Variants in SLC1A2 observed in about 807,000 individuals in gnomAD.
SLC1A2 encodes the protein solute carrier family 1 member 2, also known as excitatory amino acid transporter 2.
Under a neutral mutation model 48.8 loss-of-function variants are expected in SLC1A2, and 15 were observed. The ratio of observed to expected loss-of-function variants is 0.31; its 90% CI spans 0.21 to 0.47. The LOEUF (loss-of-function observed/expected upper bound fraction) is 0.47. Among genes scored for constraint, SLC1A2 ranks in the 20% least tolerant of loss-of-function variants. The pLI, the probability that SLC1A2 is intolerant of heterozygous loss-of-function variation, is 0.99. For missense variants in SLC1A2, 502 were observed against 730.5 expected (o/e 0.69, Z 3.61); for synonymous variants, 279 against 272.6 (o/e 1.02, Z -0.23).
At chr11:35,317,119 T>C (rs2134900936) in intron 2 of SLC1A2, 4 of 449,092 alleles carry the variant, frequency 8.9e-6, no homozygotes, top group Non-Finnish European at 1.6e-5. Context: ...TCCATAAGTA[T>C]AGGAATCCAC....
At chr11:35,260,988 T>A (rs1462733958) in intron 10 of SLC1A2, 23 bp from the exon 11 acceptor site, 2 of 1,595,930 alleles carry the variant, frequency 1.3e-6, no homozygotes, top group South Asian at 1.1e-5. Context: ...ATCATCAACA[T>A]CCAGCTTACA....
intron 1 of SLC1A2, among the ~76,000 whole-genome samples, chr11:35,408,571 C>A (rs1363450233): frequency 2.0e-5 from 3 of 152,192 alleles, no homozygotes; most frequent in African/African-American, 4.8e-5. Context: ...CCATGTGGAA[C>A]TGTAAGTCCA....
chr11:35,296,630 C>T (rs1335140580), intron 6 of SLC1A2, among the ~76,000 whole-genome samples: 1 of 152,138 alleles, frequency 6.6e-6, no homozygotes, highest in Non-Finnish European at 1.5e-5. Context: ...CTTTTGCCCC[C>T]TTTCACCAAC....
At chr11:35,387,505 T>C (rs575086112) in intron 1 of SLC1A2, among the ~76,000 whole-genome samples, 10 of 152,202 alleles carry the variant, frequency 6.6e-5, no homozygotes, top group Admixed American at 3.3e-4. Flanking sequence ...GTTTTCTGAC[T>C]ATGTCCCAGA....
chr11:35,349,820 G>T (rs1853177740), intron 1 of SLC1A2, among the ~76,000 whole-genome samples: 1 of 152,098 alleles, frequency 6.6e-6, no homozygotes, highest in Admixed American at 6.5e-5. Flanking sequence ...TGGGCTCAGG[G>T]GGCTTACAGT....
In SLC1A2 at chr11:35,257,011, T is replaced by C. The variant is rs184295852; in HGVS notation, c.*3883A>G. ...TGATTCTGACAAAAGTAAAAAAAAC[T>C]ATAACATCACTTTTGCTATTGAGAG... On this transcript the variant is annotated 3_prime_UTR_variant, in exon 11 of 11. Transcript: ENST00000278379. 2 of 152,288 alleles carry C rather than the reference T, an allele frequency of 1.3e-5. No homozygotes were observed. The highest frequency in any genetic ancestry group is 3.9e-4 in the East Asian group (2 of 5,186). 9.4% of individuals were successfully genotyped at this position (152,288 alleles called of 1,614,324 possible). A position where few individuals can be genotyped will look rare whatever the true frequency, so the allele number is the denominator to read the frequency against.
At chr11:35,327,097 G>C (rs1257730511) in intron 1 of SLC1A2, among the ~76,000 whole-genome samples, 1 of 152,126 alleles carries the variant, frequency 6.6e-6, no homozygotes, top group Non-Finnish European at 1.5e-5. Flanking sequence ...AAATTCTGAG[G>C]CCTCCACAGC....
At chr11:35,287,753 C>G (rs1398500506) in intron 7 of SLC1A2, among the ~76,000 whole-genome samples, 1 of 152,160 alleles carries the variant, frequency 6.6e-6, no homozygotes, top group Non-Finnish European at 1.5e-5. Context: ...AAATTGGAGA[C>G]CAATAAACAG....
chr11:35,359,675 G>A (rs1032163122), intron 1 of SLC1A2, among the ~76,000 whole-genome samples: 2 of 152,202 alleles, frequency 1.3e-5, no homozygotes, highest in Non-Finnish European at 2.9e-5. Flanking sequence ...TTCATTCAGC[G>A]TACCAAGTAC....
chr11:35,367,397 C>T (rs1206244821), intron 1 of SLC1A2, among the ~76,000 whole-genome samples: 1 of 152,152 alleles, frequency 6.6e-6, no homozygotes, highest in Non-Finnish European at 1.5e-5. Context: ...TGCATCTGGA[C>T]CCTCATGTGT....
At chr11:35,274,394 T>C (rs774652226) in intron 9 of SLC1A2, among the ~76,000 whole-genome samples, 2 of 151,970 alleles carry the variant, frequency 1.3e-5, no homozygotes, top group Non-Finnish European at 2.9e-5. Context: ...CATGGGGAGG[T>C]TGATGTAGAC....
intron 1 of SLC1A2, among the ~76,000 whole-genome samples, chr11:35,318,706 C>A (rs1347730948): frequency 1.3e-5 from 2 of 152,098 alleles, no homozygotes; most frequent in Non-Finnish European, 2.9e-5. Context: ...GAAAGAAATG[C>A]CTGATGCCTA....
intron 1 of SLC1A2, among the ~76,000 whole-genome samples, chr11:35,363,268 C>T (rs140344936): frequency 8.7e-4 from 132 of 152,246 alleles, no homozygotes; most frequent in African/African-American, 3.0e-3. Flanking sequence ...GTGTATTCTG[C>T]CCCAGATGAC....
intron 1 of SLC1A2, among the ~76,000 whole-genome samples, chr11:35,405,144 A>G (rs1397879022): frequency 1.3e-5 from 2 of 152,134 alleles, no homozygotes; most frequent in Admixed American, 1.3e-4. Flanking sequence ...TGCAATAAAT[A>G]TCTCCCAACA....
At chr11:35,328,576 G>T (rs541861420) in intron 1 of SLC1A2, among the ~76,000 whole-genome samples, 1 of 152,304 alleles carries the variant, frequency 6.6e-6, no homozygotes, top group East Asian at 1.9e-4. Context: ...TTTGATCCCT[G>T]TCAGTCCTGG....
At position 35,312,182 on chromosome 11, in the gene SLC1A2, C is replaced by G. The variant is rs773830142; in HGVS notation, c.561+16G>C. The G allele has an allele frequency of 1.9e-5, 31 of 1,613,234 alleles. No homozygotes were observed. Among genetic ancestry groups the G allele is most frequent in the Non-Finnish European group, 2.6e-5 (31 of 1,179,274 alleles). ...TAGAGGACTGGAGAAGAGAGAACAT[C>G]TGAACTCTGGGTTACCTGTTGAAAG... On this transcript the variant is annotated intron_variant, in intron 4 of 10. Coordinates refer to ENST00000278379, the MANE Select transcript of SLC1A2 (RefSeq NM_004171.4).
chr11:35,315,222 A>G (rs1851836789), intron 2 of SLC1A2, 47 bp from the exon 3 acceptor site: 2 of 1,474,878 alleles, frequency 1.4e-6, no homozygotes, highest in Middle Eastern at 2.2e-4. Context: ...TGCCTTCGTC[A>G]AATGACTTAC....
intron 1 of SLC1A2, among the ~76,000 whole-genome samples, chr11:35,381,782 A>G (rs562136682): frequency 1.4e-4 from 21 of 152,180 alleles, no homozygotes; most frequent in Middle Eastern, 3.2e-3. Context: ...AACAAAGGGG[A>G]GTACGTATTT....
At chr11:35,297,847 C>T (rs932157626) in intron 6 of SLC1A2, 22 of 152,196 alleles carry the variant, frequency 1.4e-4, no homozygotes, top group African/African-American at 5.3e-4. Context: ...GTTCCCAGCA[C>T]AAAGAAGGTG....
Sources: allele counts gnomAD v4.1 joint callset (sites outside exome capture counted in the v4.1 genomes callset), GRCh38; gene constraint gnomAD v4.1.1; transcripts MANE v1.5; gene names NCBI Gene and HGNC (gene_info 2026-07-23, HGNC 2026-07-21).